The following CCZ1 variants were observed in gnomAD, a reference collection of about 807,000 sequenced individuals.
CCZ1 encodes vacuolar fusion protein CCZ1 homolog.
A neutral mutation model predicts 57.8 loss-of-function variants in CCZ1; 19 were observed. The ratio of observed to expected loss-of-function variants is 0.33; its 90% CI spans 0.23 to 0.48. CCZ1 has a LOEUF of 0.48. Among genes scored for constraint, CCZ1 ranks in the 20% least tolerant of loss-of-function variants. The probability of loss-of-function intolerance (pLI) is 0.99; values close to 1 mark genes in which losing one functional copy is unlikely to be tolerated. For missense variants in CCZ1, 200 were observed against 492.0 expected (o/e 0.41, Z 5.61); for synonymous variants, 81 against 167.0 (o/e 0.49, Z 3.97).
chr7:5,905,483 G>A (rs541522989), intron 7 of CCZ1, among the ~76,000 whole-genome samples: 1 of 145,680 alleles, frequency 6.9e-6, no homozygotes, highest in Non-Finnish European at 1.5e-5. Flanking sequence ...GTTTAAAACT[G>A]GTTGCATGAA....
intron 6 of CCZ1, among the ~76,000 whole-genome samples, chr7:5,903,490 C>T (rs1346544744): frequency 2.3e-5 from 3 of 129,948 alleles, no homozygotes; most frequent in Non-Finnish European, 3.2e-5. Flanking sequence ...TTTTTGAATT[C>T]GACTTTCTAA....
intron 10 of CCZ1, among the ~76,000 whole-genome samples, chr7:5,913,996 G>A (rs1023596053): frequency 7.1e-6 from 1 of 140,434 alleles, no homozygotes; most frequent in Non-Finnish European, 1.6e-5. Flanking sequence ...CCTACACTCA[G>A]AGTGAAGCCT....
At chr7:5,903,507 T>C (rs1285160741) in intron 6 of CCZ1, among the ~76,000 whole-genome samples, 2 of 118,440 alleles carry the variant, frequency 1.7e-5, no homozygotes, top group African/African-American at 6.6e-5. Context: ...CTAAAACAGC[T>C]TTCATAGCTA....
chr7:5,910,141 A>G, intron 8 of CCZ1, 25 bp downstream of exon 8: 1 of 1,580,662 alleles, frequency 6.3e-7, no homozygotes, highest in Non-Finnish European at 8.7e-7. Flanking sequence ...ATAGCTGCGC[A>G]CAATTACATG....
intron 12 of CCZ1, among the ~76,000 whole-genome samples, chr7:5,921,054 C>T (rs1411418796): frequency 1.1e-5 from 1 of 93,768 alleles, no homozygotes; most frequent in Non-Finnish European, 2.1e-5. Context: ...CAGGTTCAAG[C>T]GATTCTCCTG....
intron 5 of CCZ1, chr7:5,902,370 A>C: frequency 3.3e-6 from 1 of 299,866 alleles, no homozygotes; most frequent in South Asian, 5.4e-5. Flanking sequence ...ATAAAAAAAC[A>C]GAAATGTGGG....
chr7:5,903,023 C>T (rs1253066915), intron 6 of CCZ1, among the ~76,000 whole-genome samples: 1 of 148,222 alleles, frequency 6.7e-6, no homozygotes, highest in African/African-American at 2.5e-5. Context: ...TGTGTTTTAC[C>T]TGCATCTGTC....
At chr7:5,914,518 G>C (rs2128613495) in intron 10 of CCZ1, among the ~76,000 whole-genome samples, 1 of 148,998 alleles carries the variant, frequency 6.7e-6, no homozygotes, top group Non-Finnish European at 1.5e-5. Context: ...AAAGTTCTGA[G>C]AGAAAATGAA....
chr7:5,909,108 T>A (rs373051572), intron 7 of CCZ1, among the ~76,000 whole-genome samples: 18,352 of 96,604 alleles, frequency 0.19, 1,837 homozygotes, highest in Admixed American at 0.27. Flanking sequence ...CCTTGTGACT[T>A]TTTTTTTTTT....
Position 5,906,018 on chromosome 7 carries a change from C to T in CCZ1, c.698+749C>T, listed in dbSNP as rs189346042. On this transcript the variant is annotated intron_variant, in intron 7 of 14. Coordinates refer to ENST00000325974, the MANE Select transcript of CCZ1 (RefSeq NM_015622.6). ...TCAGCCTCCCAAAGTGCTGGGATTA[C>T]AGGCACGAGCCACTGCACCTACTTT... Among the ~76,000 whole-genome samples the T allele has an allele frequency of 1.0e-3, 150 of 144,572 alleles. 5 individuals carry two copies. Among genetic ancestry groups the T allele is most frequent in the African/African-American group, 3.6e-3 (140 of 39,028 alleles). 94.8% of individuals were successfully genotyped at this position (144,572 alleles called of 152,430 possible).
In CCZ1 at chr7:5,921,184, C is replaced by T. The variant is rs1159383682; in HGVS notation, c.1106+1218C>T. Among the ~76,000 whole-genome samples, 16 of 132,950 alleles carry T rather than the reference C, an allele frequency of 1.2e-4. 1 individual carries two copies. Among genetic ancestry groups the T allele is most frequent in the Non-Finnish European group, 2.5e-4 (15 of 60,220 alleles). The allele number at this position is 132,950 out of a possible 152,430, so 87.2% of individuals were successfully genotyped here. ...GACCTCGTGATCCACCCACTTCGGC[C>T]TCCCAAAGTGCTGGGATGACAGGCG... is the stretch of plus-strand genomic sequence containing the variant. On this transcript the variant is annotated intron_variant, in intron 12 of 14. Transcript: ENST00000325974.
intron 6 of CCZ1, among the ~76,000 whole-genome samples, chr7:5,903,627 C>G (rs1361500645): frequency 1.2e-4 from 17 of 137,716 alleles, no homozygotes; most frequent in Non-Finnish European, 1.5e-5. Flanking sequence ...GTCCTCATTT[C>G]TCTCTTACCC....
chr7:5,902,964 C>T (rs1244438721), intron 6 of CCZ1, among the ~76,000 whole-genome samples: 2 of 148,556 alleles, frequency 1.3e-5, no homozygotes, highest in African/African-American at 2.5e-5. Flanking sequence ...GAGCTTCCTG[C>T]GTTTGCCCGG....
At chr7:5,908,011 G>C (rs1416800558) in intron 7 of CCZ1, among the ~76,000 whole-genome samples, 1 of 143,036 alleles carries the variant, frequency 7.0e-6, no homozygotes, top group African/African-American at 2.6e-5. Flanking sequence ...CAGAGGTTGA[G>C]GCTGGAGAAT....
chr7:5,903,447 T>G (rs1433792438), intron 6 of CCZ1, among the ~76,000 whole-genome samples: 2 of 142,902 alleles, frequency 1.4e-5, no homozygotes, highest in Admixed American at 1.4e-4. Flanking sequence ...CAATTCTCAA[T>G]TTATTTTCTT....
chr7:5,910,547 C>A (rs59259289), intron 8 of CCZ1, among the ~76,000 whole-genome samples: 1 of 145,478 alleles, frequency 6.9e-6, no homozygotes, highest in African/African-American at 2.5e-5. Flanking sequence ...AGGCTGGTCT[C>A]GAACTCCTGA....
intron 11 of CCZ1, 119 bp downstream of exon 11, chr7:5,919,019 G>A (rs3963514): frequency 0.39 from 396,973 of 1,012,240 alleles, 112,954 homozygotes; most frequent in African/African-American, 0.49. Context: ...TGTTGGAGAC[G>A]GGGTTTCACT....
intron 5 of CCZ1, chr7:5,902,452 G>A (rs1781706166): frequency 3.3e-6 from 3 of 905,026 alleles, no homozygotes; most frequent in Non-Finnish European, 4.5e-6. Context: ...GCAATTAGGT[G>A]GTTTCATAAA....
intron 12 of CCZ1, among the ~76,000 whole-genome samples, chr7:5,920,470 C>CTTTTTTTT (rs200899553): frequency 0.019 from 1,819 of 95,598 alleles, 149 homozygotes; most frequent in African/African-American, 0.05. Flanking sequence ...TTCTCCCTGG[C>CTTTTTTTT]TTTTTTTTTT....
Sources: gnomAD v4.1 joint callset for allele counts (sites outside exome capture counted in the v4.1 genomes callset) on GRCh38, gnomAD v4.1.1 for gene constraint, MANE v1.5 for transcripts, NCBI Gene and HGNC (gene_info 2026-07-23, HGNC 2026-07-21) for gene names.